HS6ST3: variants seen among roughly 807,000 people sequenced by gnomAD.
HS6ST3 encodes heparan sulfate 6-O-sulfotransferase 3, also known as heparan-sulfate 6-O-sulfotransferase 3.
In HS6ST3, 12 loss-of-function variants were observed where a neutral mutation model predicts 36.7. That is an observed-to-expected ratio of 0.33 (90% CI 0.21 to 0.53). HS6ST3 has a LOEUF of 0.53. HS6ST3 is among the 20% of genes least tolerant of loss of function. The pLI is 0.95. For synonymous variants in HS6ST3, 240 were observed against 257.5 expected (o/e 0.93, Z 0.65); for missense variants, 584 against 640.9 (o/e 0.91, Z 0.96).
intron 1 of HS6ST3, among the ~76,000 whole-genome samples, chr13:96,698,743 T>C (rs567954408): frequency 7.2e-4 from 109 of 152,226 alleles, no homozygotes; most frequent in Non-Finnish European, 1.3e-3. Context: ...CTTCACAGAA[T>C]TGGAAAAAAC....
chr13:96,803,795 T>C (rs1878137620), intron 1 of HS6ST3, among the ~76,000 whole-genome samples: 1 of 152,126 alleles, frequency 6.6e-6, no homozygotes, highest in African/African-American at 2.4e-5. Context: ...AAATTGTGAT[T>C]TTGTTTCTAT....
intron 1 of HS6ST3, among the ~76,000 whole-genome samples, chr13:96,429,013 G>A (rs552923362): frequency 2.0e-5 from 3 of 152,294 alleles, no homozygotes; most frequent in East Asian, 1.9e-4. Context: ...AAAACTCAAC[G>A]TGCTATGGTG....
intron 1 of HS6ST3, among the ~76,000 whole-genome samples, chr13:96,271,668 G>A (rs2054720962): frequency 6.6e-6 from 1 of 151,966 alleles, no homozygotes; most frequent in African/African-American, 2.4e-5. Context: ...CTTGGGAGAA[G>A]GTGACATGTA....
At chr13:96,548,354 C>G (rs2056205376) in intron 1 of HS6ST3, among the ~76,000 whole-genome samples, 1 of 152,154 alleles carries the variant, frequency 6.6e-6, no homozygotes, top group South Asian at 2.1e-4. Flanking sequence ...CCCACAGCAC[C>G]AATTTCACTT....
intron 1 of HS6ST3, among the ~76,000 whole-genome samples, chr13:96,782,699 T>C (rs1421728362): frequency 6.6e-6 from 1 of 152,150 alleles, no homozygotes; most frequent in Non-Finnish European, 1.5e-5. Context: ...AGGTTGCCTG[T>C]ACAAGGAAAA....
At chr13:96,685,447 A>G (rs761113498) in intron 1 of HS6ST3, among the ~76,000 whole-genome samples, 5 of 152,100 alleles carry the variant, frequency 3.3e-5, no homozygotes, top group African/African-American at 7.2e-5. Context: ...TCATAAGCAC[A>G]TATTTATGGT....
chr13:96,746,138 G>C (rs1223865442), intron 1 of HS6ST3, among the ~76,000 whole-genome samples: 1 of 152,030 alleles, frequency 6.6e-6, no homozygotes, highest in Non-Finnish European at 1.5e-5. Context: ...TTTCTTGCCA[G>C]GATTAAGGAA....
intron 1 of HS6ST3, among the ~76,000 whole-genome samples, chr13:96,237,336 A>G (rs901732942): frequency 6.6e-6 from 1 of 152,276 alleles, no homozygotes; most frequent in Middle Eastern, 3.4e-3. Flanking sequence ...TTATTACAAT[A>G]GGGAAAATAT....
intron 1 of HS6ST3, among the ~76,000 whole-genome samples, chr13:96,473,303 C>T (rs1183943457): frequency 1.3e-5 from 2 of 152,148 alleles, no homozygotes; most frequent in Non-Finnish European, 2.9e-5. Flanking sequence ...AGTGTAGCCA[C>T]GACTGAGCTC....
At chr13:96,578,622 G>A (rs1000136195) in intron 1 of HS6ST3, among the ~76,000 whole-genome samples, 1 of 152,094 alleles carries the variant, frequency 6.6e-6, no homozygotes, top group Non-Finnish European at 1.5e-5. Flanking sequence ...GTGCAATGGT[G>A]TGATCTCAGC....
intron 1 of HS6ST3, among the ~76,000 whole-genome samples, chr13:96,725,603 T>G (rs1171517535): frequency 6.6e-6 from 1 of 152,176 alleles, no homozygotes; most frequent in Non-Finnish European, 1.5e-5. Flanking sequence ...TATTTATTTA[T>G]TTTTGCATAG....
rs2138521676 is a variant in HS6ST3 at position 96,793,138 on chromosome 13, A to G, written c.708-39352A>G. On this transcript the variant is annotated intron_variant, in intron 1 of 1. Coordinates refer to ENST00000376705, the MANE Select transcript of HS6ST3 (RefSeq NM_153456.4). ...AGCCCTTGACCTTTTAGTTGAGAGG[A>G]TTCATTTCACGTTATTCTTTCCCTT... Among the ~76,000 whole-genome samples the G allele has an allele frequency of 2.6e-5, 4 of 152,090 alleles. No individual in the cohort carries two copies. The East Asian group carries it at 5.8e-4, about 22-fold the overall frequency.
At chr13:96,599,048 T>C (rs1359495937) in intron 1 of HS6ST3, among the ~76,000 whole-genome samples, 1 of 152,172 alleles carries the variant, frequency 6.6e-6, no homozygotes, top group Non-Finnish European at 1.5e-5. Flanking sequence ...CTTTTTGATA[T>C]GTTGTTGGAT....
intron 1 of HS6ST3, among the ~76,000 whole-genome samples, chr13:96,527,935 T>C (rs531572892): frequency 1.4e-4 from 22 of 152,286 alleles, no homozygotes; most frequent in African/African-American, 5.3e-4. Context: ...GAAGCCATGG[T>C]GGAGCCCTAG....
At position 96,778,703 on chromosome 13, in the gene HS6ST3, C is replaced by T. The variant is rs1020123641; in HGVS notation, c.708-53787C>T. ...CGGAGAGGATGTGGAGAAACTGGAA[C>T]CCTTTTACACTGTTGGTGGGAGAGT... On this transcript the variant is annotated intron_variant, in intron 1 of 1. Transcript: ENST00000376705. 5.3e-5 allele frequency among the ~76,000 whole-genome samples: 8 copies of T among 152,144 alleles called. 1 individual carries two copies. The East Asian group carries it at 9.6e-4, about 18-fold the overall frequency.
At chr13:96,410,880 C>T (rs1005297708) in intron 1 of HS6ST3, among the ~76,000 whole-genome samples, 1 of 152,166 alleles carries the variant, frequency 6.6e-6, no homozygotes, top group Non-Finnish European at 1.5e-5. Context: ...AAATTCCCTA[C>T]ACTTTAGAAG....
At chr13:96,161,021 C>A (rs1566896484) in intron 1 of HS6ST3, among the ~76,000 whole-genome samples, 1 of 152,090 alleles carries the variant, frequency 6.6e-6, no homozygotes, top group Non-Finnish European at 1.5e-5. Flanking sequence ...TCCTTAATTC[C>A]TTGAAATTAA....
intron 1 of HS6ST3, among the ~76,000 whole-genome samples, chr13:96,687,119 C>T (rs1164047856): frequency 1.3e-5 from 2 of 149,628 alleles, no homozygotes; most frequent in African/African-American, 4.9e-5. Context: ...AATATGGTGG[C>T]AAAATGTTCA....
chr13:96,237,211 A>G (rs377237231), intron 1 of HS6ST3, among the ~76,000 whole-genome samples: 1 of 152,248 alleles, frequency 6.6e-6, no homozygotes, highest in Admixed American at 6.5e-5. Flanking sequence ...CAGCCAAATC[A>G]TATCAGCTGG....
Sources: allele counts gnomAD v4.1 joint callset (sites outside exome capture counted in the v4.1 genomes callset), GRCh38; gene constraint gnomAD v4.1.1; transcripts MANE v1.5; gene names NCBI Gene and HGNC (gene_info 2026-07-23, HGNC 2026-07-21).